The following CRISPLD2 variants were observed in gnomAD, a reference collection of about 807,000 sequenced individuals.
CRISPLD2 encodes the protein cysteine-rich secretory protein LCCL domain-containing 2.
A neutral mutation model predicts 71.1 loss-of-function variants in CRISPLD2; 47 were observed. That is an observed-to-expected ratio of 0.66 (90% CI 0.52 to 0.84). The LOEUF (loss-of-function observed/expected upper bound fraction) is 0.84. Among genes scored for constraint, CRISPLD2 ranks in the 40% least tolerant of loss-of-function variants. CRISPLD2 has a pLI of 0.00. For synonymous variants in CRISPLD2, 317 were observed against 250.1 expected, an observed-to-expected ratio of 1.27 and a Z score of -2.52; for missense variants, 830 against 651.1, an observed-to-expected ratio of 1.27 and a Z score of -2.99.
intron 3 of CRISPLD2, among the ~76,000 whole-genome samples, chr16:84,847,797 T>C (rs1170302426): frequency 6.6e-6 from 1 of 152,206 alleles, no homozygotes; most frequent in Non-Finnish European, 1.5e-5. Context: ...TTTACAGCAT[T>C]GAGACTGTAG....
chr16:84,861,986 C>T lies in CRISPLD2; in HGVS notation c.710-4911C>T, dbSNP rs536990689. 8.5e-5 allele frequency among the ~76,000 whole-genome samples: 13 copies of T among 152,246 alleles called. No homozygotes were observed. The South Asian group carries it at 1.9e-3, about 22-fold the overall frequency. Reference sequence around the variant, plus strand: ...AGTAAAAGCAAACAACGTGATATTCCAAATGAGCTCACTAGTGGGAAGTAC... The same window carrying T: ...AGTAAAAGCAAACAACGTGATATTCTAAATGAGCTCACTAGTGGGAAGTAC... On this transcript the variant is annotated intron_variant, in intron 6 of 14. Transcript: ENST00000262424.
chr16:84,864,736 G>C (rs935330571), intron 6 of CRISPLD2, among the ~76,000 whole-genome samples: 1 of 152,250 alleles, frequency 6.6e-6, no homozygotes, highest in African/African-American at 2.4e-5. Context: ...GGTGCCAGGT[G>C]TGAGGCAGGC....
chr16:84,872,803 G>A, intron 9 of CRISPLD2, among the ~76,000 whole-genome samples, 189 bp from the exon 10 acceptor site: 1 of 152,172 alleles, frequency 6.6e-6, no homozygotes, highest in East Asian at 1.9e-4. Context: ...ACTCAGATGA[G>A]TTTTTAAGGT....
intron 5 of CRISPLD2, among the ~76,000 whole-genome samples, chr16:84,851,634 G>T (rs1001381606): frequency 6.6e-6 from 1 of 152,220 alleles, no homozygotes; most frequent in Non-Finnish European, 1.5e-5. Context: ...CGGCTCAGCA[G>T]CCCACATGGA....
chr16:84,841,754 G>A (rs1474873639), intron 2 of CRISPLD2, among the ~76,000 whole-genome samples: 2 of 151,976 alleles, frequency 1.3e-5, no homozygotes, highest in Non-Finnish European at 2.9e-5. Context: ...CACCACCATG[G>A]CCAGCTAATT....
intron 14 of CRISPLD2, among the ~76,000 whole-genome samples, chr16:84,896,229 A>G (rs932789981): frequency 4.6e-5 from 7 of 151,942 alleles, no homozygotes; most frequent in Non-Finnish European, 1.0e-4. Context: ...ATATATGTTT[A>G]GTAGAGATGG....
intron 1 of CRISPLD2, among the ~76,000 whole-genome samples, chr16:84,834,248 C>A (rs1916560989): frequency 6.6e-6 from 1 of 152,232 alleles, no homozygotes; most frequent in Non-Finnish European, 1.5e-5. Flanking sequence ...TCCCCGGCGG[C>A]CCCCTTCGCC....
At chr16:84,826,363 G>T (rs945810252) in intron 1 of CRISPLD2, among the ~76,000 whole-genome samples, 9 of 152,230 alleles carry the variant, frequency 5.9e-5, no homozygotes, top group Admixed American at 2.0e-4. Context: ...AAGCTGTGAC[G>T]CCCTGATGCT....
At chr16:84,888,885 A>G (rs930467386) in intron 13 of CRISPLD2, among the ~76,000 whole-genome samples, 13 of 152,314 alleles carry the variant, frequency 8.5e-5, no homozygotes, top group African/African-American at 1.4e-4. Flanking sequence ...TGTTTTCTTC[A>G]TAGCCGATGC....
intron 1 of CRISPLD2, among the ~76,000 whole-genome samples, chr16:84,821,439 A>T (rs529862196): frequency 1.2e-4 from 19 of 152,268 alleles, no homozygotes; most frequent in Admixed American, 7.8e-4. Flanking sequence ...TCATCGCTGC[A>T]ACACCCCGGG....
intron 2 of CRISPLD2, among the ~76,000 whole-genome samples, chr16:84,842,575 C>T (rs1278534251): frequency 6.6e-5 from 10 of 151,420 alleles, no homozygotes; most frequent in African/African-American, 2.2e-4. Context: ...GGTTTCACCA[C>T]GTTGGCCAGG....
intron 14 of CRISPLD2, among the ~76,000 whole-genome samples, chr16:84,893,668 G>A (rs1200046440): frequency 6.6e-6 from 1 of 152,200 alleles, no homozygotes; most frequent in Non-Finnish European, 1.5e-5. Flanking sequence ...GGCATCAAGA[G>A]GGCTAGTCTT....
At chr16:84,849,588 G>GTGA in intron 4 of CRISPLD2, 71 bp downstream of exon 4, 2 of 1,280,638 alleles carry the variant, frequency 1.6e-6, no homozygotes, top group Non-Finnish European at 2.2e-6. Flanking sequence ...GCCCCTGGGG[G>GTGA]ATTGTCAAAT....
At chr16:84,878,015 C>G (rs2071535337) in intron 12 of CRISPLD2, among the ~76,000 whole-genome samples, 1 of 143,676 alleles carries the variant, frequency 7.0e-6, no homozygotes, top group Admixed American at 6.8e-5. Flanking sequence ...TCGAGACCAT[C>G]CTGGCTAACA....
intron 4 of CRISPLD2, among the ~76,000 whole-genome samples, chr16:84,850,175 C>T (rs190887082): frequency 6.6e-6 from 1 of 151,958 alleles, no homozygotes; most frequent in Admixed American, 6.6e-5. Flanking sequence ...ACCGCAACCT[C>T]TGCCTCCTGG....
chr16:84,890,570 C>A (rs1224017643), intron 14 of CRISPLD2, among the ~76,000 whole-genome samples: 5 of 152,074 alleles, frequency 3.3e-5, no homozygotes, highest in African/African-American at 1.2e-4. Flanking sequence ...GTAGTCTTCT[C>A]CAGGAATGCT....
At chr16:84,901,586 CT>C (rs1180897092) in intron 14 of CRISPLD2, among the ~76,000 whole-genome samples, 1 of 150,906 alleles carries the variant, frequency 6.6e-6, no homozygotes, top group African/African-American at 2.4e-5. Flanking sequence ...ATTCTCCTGC[CT>C]CAGCCTCCCG....
intron 3 of CRISPLD2, among the ~76,000 whole-genome samples, chr16:84,847,910 A>G (rs918772352): frequency 1.3e-5 from 2 of 152,180 alleles, no homozygotes; most frequent in Non-Finnish European, 2.9e-5. Flanking sequence ...TGCCCTAATG[A>G]TCCCTCTGTG....
intron 3 of CRISPLD2, 95 bp downstream of exon 3, chr16:84,845,999 G>A (rs966558757): frequency 2.5e-5 from 18 of 715,228 alleles, no homozygotes; most frequent in Admixed American, 2.1e-4. Context: ...AGCCTGCAAA[G>A]AGAGTGAGAG....
Sources: gnomAD v4.1 joint callset for allele counts (sites outside exome capture counted in the v4.1 genomes callset) on GRCh38, gnomAD v4.1.1 for gene constraint, MANE v1.5 for transcripts, NCBI Gene and HGNC (gene_info 2026-07-23, HGNC 2026-07-21) for gene names.